SLC29A2: variants seen among roughly 807,000 people sequenced by gnomAD.
SLC29A2 encodes equilibrative nucleoside transporter 2.
In SLC29A2, 37 loss-of-function variants were observed where a neutral mutation model predicts 48.8. The observed-to-expected ratio is 0.76, with a 90% confidence interval of 0.58 to 1.00. The LOEUF (loss-of-function observed/expected upper bound fraction) is 1.00. SLC29A2 is among the 50% of genes least tolerant of loss of function. The pLI, the probability that SLC29A2 is intolerant of heterozygous loss-of-function variation, is 0.00. For missense variants in SLC29A2, 533 were observed against 578.6 expected (o/e 0.92, Z 0.81); for synonymous variants, 233 against 261.7 (o/e 0.89, Z 1.06).
Position 66,366,188 on chromosome 11 carries a change from G to A in SLC29A2, c.911C>T (p.Thr304Ile), listed in dbSNP as rs374025584. 21 of 1,614,116 alleles carry A rather than the reference G, an allele frequency of 1.3e-5. No homozygotes were observed. Among genetic ancestry groups the A allele is most frequent in the African/African-American group, 4.0e-5 (3 of 74,932 alleles). Residue 304 changes from threonine (T) to isoleucine (I), a missense_variant, in exon 9 of 12, where the codon ACC becomes ATC. Thr to Ile is a moderately conservative substitution (Grantham distance 89). Coordinates refer to ENST00000357440, the MANE Select transcript of SLC29A2 (RefSeq NM_001532.3). The stretch of plus-strand genomic sequence containing the variant: ...TGTGATGGCGGGGAAGACGGACAGG[G>A]TGACTGTGAAGACCAACACAAGGCA... Reference protein sequence around the residue: ...ALCLVLVFTVTLSVFPAITAM... With the variant: ...ALCLVLVFTVILSVFPAITAM...
In SLC29A2 at chr11:66,369,243, A is replaced by G. The variant is rs759961275; in HGVS notation, c.276-44T>C. ...AGTGCATCAGTGGGGCCCAGGCCAG[A>G]GGGGGCTGGGGAAGGAGGCTCGACA... On this transcript the variant is annotated intron_variant, in intron 3 of 11. Coordinates refer to ENST00000357440, the MANE Select transcript of SLC29A2 (RefSeq NM_001532.3). 1.5e-4 allele frequency: 241 copies of G among 1,563,764 alleles called. 2 individuals carry two copies. The South Asian group carries it at 2.6e-3, about 17-fold the overall frequency.
At chr11:66,367,231 A>G (rs1487595677) in intron 7 of SLC29A2, among the ~76,000 whole-genome samples, 1 of 152,180 alleles carries the variant, frequency 6.6e-6, no homozygotes, top group African/African-American at 2.4e-5. Context: ...TTCGGATCCA[A>G]AGTTTGCATG....
At chr11:66,364,094 G>GGCCT in intron 11 of SLC29A2, 131 bp downstream of exon 11, 1 of 787,200 alleles carries the variant, frequency 1.3e-6, no homozygotes. Flanking sequence ...GCGCCAGCAA[G>GGCCT]GCCTGCAGAC....
chr11:66,367,018 A>G (rs1855738191), intron 7 of SLC29A2, among the ~76,000 whole-genome samples: 1 of 152,226 alleles, frequency 6.6e-6, no homozygotes, highest in African/African-American at 2.4e-5. Context: ...CTGCAGGCGA[A>G]GGGAATTCAT....
chr11:66,369,246 G>C, intron 3 of SLC29A2, 47 bp from the exon 4 acceptor site: 1 of 1,583,926 alleles, frequency 6.3e-7, no homozygotes, highest in Admixed American at 1.8e-5. Flanking sequence ...AGGCCAGAGG[G>C]GGCTGGGGAA....
chr11:66,364,224 C>A lies in SLC29A2; in HGVS notation c.1259+1G>T, dbSNP rs1200127677. 6.2e-7 allele frequency: 1 copy of A among 1,605,242 alleles called. No homozygotes were observed. The highest frequency in any genetic ancestry group is 8.5e-7 in the Non-Finnish European group (1 of 1,176,040). On this transcript the variant is annotated splice_donor_variant, in intron 11 of 11. Transcript: ENST00000357440. LOFTEE classifies it high-confidence loss of function. Reference sequence around the variant, plus strand: ...CCCCACCCCACCCCATTGCCCCGGACCTGGGCGCCAGGCACATGGTGAGGG... The same window carrying A: ...CCCCACCCCACCCCATTGCCCCGGAACTGGGCGCCAGGCACATGGTGAGGG...
intron 1 of SLC29A2, 80 bp downstream of exon 1, chr11:66,371,483 C>G: frequency 1.3e-6 from 2 of 1,521,096 alleles, no homozygotes; most frequent in South Asian, 1.2e-5. Context: ...TCGATCCGGT[C>G]TTCTCTGAGC....
intron 10 of SLC29A2, chr11:66,364,741 G>C: frequency 3.7e-6 from 1 of 269,426 alleles, no homozygotes; most frequent in Non-Finnish European, 7.2e-6. Context: ...TTCTGACCTC[G>C]AGTGTTCCAC....
At chr11:66,363,705 G>A (rs1242838681) in intron 11 of SLC29A2, 158 bp from the exon 12 acceptor site, 3 of 676,312 alleles carry the variant, frequency 4.4e-6, no homozygotes, top group Non-Finnish European at 8.1e-6. Context: ...GTCTGTAAAT[G>A]AGGCTGCTGG....
chr11:66,363,642 C>T (rs773575863), intron 11 of SLC29A2, 95 bp from the exon 12 acceptor site: 1 of 894,678 alleles, frequency 1.1e-6, no homozygotes, highest in Admixed American at 2.0e-5. Flanking sequence ...GGGCTCTGAC[C>T]CAACCCCTCT....
chr11:66,369,188 G>C lies in SLC29A2; in HGVS notation c.287C>G (p.Thr96Arg), dbSNP rs142862977. The C allele has an allele frequency of 6.3e-7, 1 of 1,575,556 alleles. No homozygotes were observed. Among genetic ancestry groups the C allele is most frequent in the Non-Finnish European group, 8.6e-7 (1 of 1,161,016 alleles). The change falls in exon 4 of 12, where the codon ACG becomes AGG. Residue 96 changes from threonine to arginine, a missense_variant. By Grantham distance (71) the Thr-to-Arg change is moderately conservative (BLOSUM62 -1). Transcript: ENST00000357440. ...NSFLYQCVPETVRILGSLLAI... is the reference protein window; with the variant it reads ...NSFLYQCVPERVRILGSLLAI... The stretch of plus-strand genomic sequence containing the variant: ...CAGCAGGCTGCCCAGAATGCGCACC[G>C]TCTCCGGGACGCTGCTCAGAAGCAG...
chr11:66,371,381 C>CCCGCCTCCCAGGCCA, intron 1 of SLC29A2, 56 bp from the exon 2 acceptor site: 1 of 1,586,560 alleles, frequency 6.3e-7, no homozygotes, highest in Non-Finnish European at 8.6e-7. Context: ...CGCAGGCCCT[C>CCCGCCTCCCAGGCCA]CCGCCTCCCA....
In SLC29A2 at chr11:66,367,521, T is replaced by C; in HGVS notation, c.676A>G (p.Lys226Glu). 6.2e-7 allele frequency: 1 copy of C among 1,614,090 alleles called. No homozygotes were observed. Among genetic ancestry groups the C allele is most frequent in the Non-Finnish European group, 8.5e-7 (1 of 1,179,988 alleles). Reference sequence around the variant, plus strand: ...TCCTGAGCTTGGGCCTGGGATGATTTATTGGCCAGGTAGTAGCGGGCAAAC... The same window carrying C: ...TCCTGAGCTTGGGCCTGGGATGATTCATTGGCCAGGTAGTAGCGGGCAAAC... ...LKFARYYLAN[K>E]SSQAQAQELE... Residue 226 changes from lysine (K) to glutamate (E), a missense_variant, in exon 7 of 12, where the codon AAA becomes GAA. Lys to Glu is a moderately conservative substitution (Grantham distance 56). Transcript: ENST00000357440.
chr11:66,366,964 C>A (rs1041627935), intron 7 of SLC29A2, among the ~76,000 whole-genome samples: 1 of 152,046 alleles, frequency 6.6e-6, no homozygotes, highest in Admixed American at 6.6e-5. Context: ...AACCCCCTCA[C>A]CCCAAAACAA....
rs1405484027 is a variant in SLC29A2 at position 66,371,750 on chromosome 11, C to G, written c.-159G>C. 3.0e-6 allele frequency: 2 copies of G among 673,424 alleles called. No individual in the cohort carries two copies. The highest frequency in any genetic ancestry group is 5.7e-5 in the Admixed American group (2 of 35,234). The allele number at this position is 673,424 out of a possible 1,614,324, so 41.7% of individuals were successfully genotyped here. A position where few individuals can be genotyped will look rare whatever the true frequency, so the allele number is the denominator to read the frequency against. ...CGCACAGGTAGCCTCGGGCGGATTT[C>G]GGCGTGTCTCGCGCTCCGCAGGCTG... On this transcript the variant is annotated 5_prime_UTR_variant, in exon 1 of 12. Transcript: ENST00000357440.
chr11:66,365,820 G>A lies in SLC29A2; in HGVS notation c.1059+116C>T, dbSNP rs146348329. 5.9e-3 allele frequency: 5,767 copies of A among 973,288 alleles called. 33 individuals are homozygous for A. The highest frequency in any genetic ancestry group is 0.013 in the African/African-American group (788 of 62,534). The allele number at this position is 973,288 out of a possible 1,614,324, so 60.3% of individuals were successfully genotyped here. Reference sequence around the variant, plus strand: ...CCAAGTGCTCCCTGCTGCTTGGCCAGTGGTTGCATTACCAGGCCATTTGGA... The same window carrying A: ...CCAAGTGCTCCCTGCTGCTTGGCCAATGGTTGCATTACCAGGCCATTTGGA... On this transcript the variant is annotated intron_variant, in intron 10 of 11. Coordinates refer to ENST00000357440, the MANE Select transcript of SLC29A2 (RefSeq NM_001532.3).
intron 7 of SLC29A2, among the ~76,000 whole-genome samples, chr11:66,367,095 T>C (rs1401232817): frequency 1.3e-5 from 2 of 152,188 alleles, no homozygotes; most frequent in East Asian, 1.9e-4. Flanking sequence ...GCACCTTAGA[T>C]GGATTATCTC....
At position 66,369,165 on chromosome 11, in the gene SLC29A2, G is replaced by T; in HGVS notation, c.310C>A (p.Leu104Met). The change falls in exon 4 of 12, where the codon CTG becomes ATG. Residue 104 changes from leucine (L) to methionine (M), a missense_variant. Leu to Met is a conservative substitution (Grantham distance 15). Transcript: ENST00000357440. ...AGGGCAAAGAGCAGCAGTATGGCCA[G>T]CAGGCTGCCCAGAATGCGCACCGTC... is the stretch of plus-strand genomic sequence containing the variant. Reference protein sequence around the residue: ...PETVRILGSLLAILLLFALTA... With the variant: ...PETVRILGSLMAILLLFALTA... The T allele has an allele frequency of 6.3e-7, 1 of 1,577,740 alleles. No individual in the cohort carries two copies. Among genetic ancestry groups the T allele is most frequent in the Non-Finnish European group, 8.6e-7 (1 of 1,162,034 alleles).
chr11:66,367,992 C>T (rs1434043548), intron 5 of SLC29A2, 123 bp from the exon 6 acceptor site: 3 of 752,896 alleles, frequency 4.0e-6, no homozygotes, highest in South Asian at 3.0e-5. Context: ...TCTTCCGCTC[C>T]TCCCTTCACT....
Sources: gnomAD v4.1 joint callset for allele counts (sites outside exome capture counted in the v4.1 genomes callset) on GRCh38, gnomAD v4.1.1 for gene constraint, MANE v1.5 for transcripts, NCBI Gene and HGNC (gene_info 2026-07-23, HGNC 2026-07-21) for gene names.